CHRDL2: variants seen among roughly 807,000 people sequenced by gnomAD.
CHRDL2 encodes the protein chordin-like protein 2.
In CHRDL2, 41 loss-of-function variants were observed where a neutral mutation model predicts 54.3. The ratio of observed to expected loss-of-function variants is 0.76; its 90% CI spans 0.59 to 0.98. The LOEUF (loss-of-function observed/expected upper bound fraction) is 0.98, where lower values mean the gene tolerates loss of function less well. Among genes scored for constraint, CHRDL2 ranks in the 50% least tolerant of loss-of-function variants. CHRDL2 has a pLI of 0.00. For missense variants in CHRDL2, 518 were observed against 562.4 expected (o/e 0.92, Z 0.80); for synonymous variants, 220 against 224.3 (o/e 0.98, Z 0.17).
chr11:74,697,721 C>T (rs1237716528), intron 9 of CHRDL2: 3 of 399,498 alleles, frequency 7.5e-6, no homozygotes, highest in Non-Finnish European at 1.5e-5. Context: ...CAACACCCAC[C>T]TGTCCCCAGT....
intron 2 of CHRDL2, among the ~76,000 whole-genome samples, chr11:74,717,828 CCAGA>C (rs1283601215): frequency 1.3e-5 from 2 of 152,108 alleles, no homozygotes; most frequent in Non-Finnish European, 2.9e-5. Context: ...GCACCAACAC[CCAGA>C]CAAAGAAAGC....
intron 9 of CHRDL2, among the ~76,000 whole-genome samples, chr11:74,702,473 C>T (rs1331105472): frequency 2.6e-5 from 4 of 152,152 alleles, no homozygotes; most frequent in South Asian, 2.1e-4. Context: ...TGAGAAGACC[C>T]CCGCTCCCAG....
intron 4 of CHRDL2, among the ~76,000 whole-genome samples, chr11:74,708,951 A>G (rs2034101099): frequency 6.6e-6 from 1 of 152,140 alleles, no homozygotes; most frequent in South Asian, 2.1e-4. Flanking sequence ...TGGGCCTGAG[A>G]TTCCTCCTCT....
Position 74,726,575 on chromosome 11 carries a change from C to T in CHRDL2, c.82+4232G>A, listed in dbSNP as rs144801119. ...CCAGGGGCACCGCTGTCATGCCAGT[C>T]CTTTTCTTTGAGAATATGAAGGATT... On this transcript the variant is annotated intron_variant, in intron 1 of 10. Transcript: ENST00000376332. 9.0e-3 allele frequency among the ~76,000 whole-genome samples: 1,373 copies of T among 152,284 alleles called. 23 individuals are homozygous for T. The highest frequency in any genetic ancestry group is 0.031 in the African/African-American group (1,300 of 41,548).
At chr11:74,710,821 G>C in intron 4 of CHRDL2, 28 bp downstream of exon 4, 1 of 1,612,606 alleles carries the variant, frequency 6.2e-7, no homozygotes, top group Non-Finnish European at 8.5e-7. Context: ...GCGCTGGCCT[G>C]TGCTGAAGGG....
intron 9 of CHRDL2, among the ~76,000 whole-genome samples, chr11:74,700,035 A>G (rs1033340486): frequency 2.6e-5 from 4 of 152,244 alleles, no homozygotes; most frequent in African/African-American, 7.2e-5. Flanking sequence ...CACCTTGGCC[A>G]TCCTCCCTAA....
intron 2 of CHRDL2, among the ~76,000 whole-genome samples, chr11:74,716,503 C>A (rs2034355929): frequency 6.8e-6 from 1 of 146,332 alleles, no homozygotes; most frequent in South Asian, 2.2e-4. Flanking sequence ...CCGCTGCACT[C>A]CAGCCTGGTA....
rs560101651 is a variant in CHRDL2, at chr11:74,702,845, C to G, written c.1069G>C (p.Glu357Gln). 1.2e-6 allele frequency: 2 copies of G among 1,614,114 alleles called. No homozygotes were observed. Among genetic ancestry groups the G allele is most frequent in the Non-Finnish European group, 1.7e-6 (2 of 1,180,020 alleles). Residue 357 changes from glutamate (E) to glutamine (Q), a missense_variant, in exon 9 of 11, where the codon GAA becomes CAA. Transcript: ENST00000376332. ...SPDNLRRFAL[E>Q]HEASDLVEIY... ...TCCACCAAGTCCGAGGCCTCGTGTT[C>G]CAGGGCAAAGCGACGCAGGTTGTCT...
Position 74,731,015 on chromosome 11 carries a change from T to G in CHRDL2, c.-127A>C, listed in dbSNP as rs2034645385. On this transcript the variant is annotated 5_prime_UTR_variant, in exon 1 of 11. Coordinates refer to ENST00000376332, the MANE Select transcript of CHRDL2 (RefSeq NM_001278473.3). The surrounding 1 kb of genome is among the most constrained non-coding windows in gnomAD (Gnocchi z 4.4). ...CAGGAGGTCTGCTGCTAGAGCGGGG[T>G]CGGAGAAGGGCCAGGAAGCAGCGGT... 3 of 725,128 alleles carry G rather than the reference T, an allele frequency of 4.1e-6. No homozygotes were observed. Among genetic ancestry groups the G allele is most frequent in the African/African-American group, 1.8e-5 (1 of 55,556 alleles). The allele number at this position is 725,128 out of a possible 1,614,324, so 44.9% of individuals were successfully genotyped here.
chr11:74,724,111 C>T (rs2034537334), intron 1 of CHRDL2, among the ~76,000 whole-genome samples: 1 of 152,206 alleles, frequency 6.6e-6, no homozygotes, highest in Non-Finnish European at 1.5e-5. Flanking sequence ...GCTATGATGG[C>T]GTGAGCATAG....
rs984589061 is a variant in CHRDL2, at chr11:74,731,318, G to C, written c.-430C>G. 1 of 148,416 alleles carries C rather than the reference G, an allele frequency of 6.7e-6. No homozygotes were observed. The highest frequency in any genetic ancestry group is 2.4e-5 in the African/African-American group (1 of 40,966). The allele number at this position is 148,416 out of a possible 1,614,324, so 9.2% of individuals were successfully genotyped here. On this transcript the variant is annotated 5_prime_UTR_variant, in exon 1 of 11. Coordinates refer to ENST00000376332, the MANE Select transcript of CHRDL2 (RefSeq NM_001278473.3). The surrounding 1 kb of genome is among the most constrained non-coding windows in gnomAD (Gnocchi z 4.4). The stretch of plus-strand genomic sequence containing the variant: ...CCGGCGCCCCCTGCTCGGTGGGCTC[G>C]GGGTCGGGCCGCGGGGGCCTGGGGC...
At chr11:74,708,530 C>T in intron 4 of CHRDL2, 135 bp from the exon 5 acceptor site, 1 of 645,392 alleles carries the variant, frequency 1.5e-6, no homozygotes, top group Admixed American at 3.8e-5. Context: ...AACAGCATCT[C>T]CACAGCAAGG....
chr11:74,710,364 T>C (rs903951019), intron 4 of CHRDL2, among the ~76,000 whole-genome samples: 11 of 152,154 alleles, frequency 7.2e-5, no homozygotes, highest in African/African-American at 2.4e-4. Flanking sequence ...ATGATAACAC[T>C]GCCGAGTCAG....
At chr11:74,705,557 A>C (rs956980546) in intron 6 of CHRDL2, among the ~76,000 whole-genome samples, 6 of 152,210 alleles carry the variant, frequency 3.9e-5, no homozygotes, top group Non-Finnish European at 8.8e-5. Context: ...GTTGAGTGGA[A>C]TAAAGGCAAG....
rs115964754 is a variant in CHRDL2, at chr11:74,703,054, A to T, written c.947-87T>A. The stretch of plus-strand genomic sequence containing the variant: ...TAATATTCTAAAATGTTGTGACTTC[A>T]TGGAATCCGGAACATTACTGATTCT... On this transcript the variant is annotated intron_variant, in intron 8 of 10. Transcript: ENST00000376332. 1,831 of 1,343,812 alleles carry T rather than the reference A, an allele frequency of 1.4e-3. 22 individuals are homozygous for T. The African/African-American group carries it at 0.023, about 17-fold the overall frequency. The allele number at this position is 1,343,812 out of a possible 1,614,324, so 83.2% of individuals were successfully genotyped here. A position where few individuals can be genotyped will look rare whatever the true frequency, so the allele number is the denominator to read the frequency against.
intron 1 of CHRDL2, among the ~76,000 whole-genome samples, chr11:74,725,241 A>G (rs1489392883): frequency 6.6e-6 from 1 of 152,032 alleles, no homozygotes; most frequent in Non-Finnish European, 1.5e-5. Flanking sequence ...TCCACCCGCC[A>G]GGGCCTCCCA....
Position 74,719,078 on chromosome 11 carries a change from T to G in CHRDL2, c.83-246A>C, listed in dbSNP as rs892493476. ...CACTGTCTCTGAGCCTTAACGCTTA[T>G]CTCACAGGGCAGTTAGGGAATCAAG... is the stretch of plus-strand genomic sequence containing the variant. On this transcript the variant is annotated intron_variant, in intron 1 of 10. Transcript: ENST00000376332. The G allele has an allele frequency of 2.1e-5, 10 of 473,148 alleles. No individual in the cohort carries two copies. The Admixed American group carries it at 2.7e-4, about 13-fold the overall frequency. 29.3% of individuals were successfully genotyped at this position (473,148 alleles called of 1,614,324 possible).
intron 5 of CHRDL2, among the ~76,000 whole-genome samples, chr11:74,707,896 A>G (rs1225494122): frequency 6.6e-6 from 1 of 152,120 alleles, no homozygotes; most frequent in East Asian, 1.9e-4. Flanking sequence ...CTTTGGGCTC[A>G]ATGGAGAGAT....
intron 1 of CHRDL2, among the ~76,000 whole-genome samples, chr11:74,719,483 G>A (rs149163405): frequency 1.7e-3 from 261 of 151,476 alleles, no homozygotes; most frequent in African/African-American, 5.9e-3. Context: ...CTGGTGTGAA[G>A]ATCACCAGGC....
Sources: gnomAD v4.1 joint callset for allele counts (sites outside exome capture counted in the v4.1 genomes callset) on GRCh38, gnomAD v4.1.1 for gene constraint, Gnocchi (gnomAD v3.1) non-coding constraint, MANE v1.5 for transcripts, NCBI Gene and HGNC (gene_info 2026-07-23, HGNC 2026-07-21) for gene names.